RPL39L: variants seen among roughly 807,000 people sequenced by gnomAD.
RPL39L encodes ribosomal protein eL39-like 2.
For missense variants in RPL39L, 48 were observed against 58.9 expected, an observed-to-expected ratio of 0.81 and a Z score of 0.61; for synonymous variants, 16 against 20.1, an observed-to-expected ratio of 0.80 and a Z score of 0.55.
intron 1 of RPL39L, among the ~76,000 whole-genome samples, chr3:187,135,552 G>A (rs1482783825): frequency 6.6e-6 from 1 of 152,152 alleles, no homozygotes; most frequent in Non-Finnish European, 1.5e-5. Context: ...CCAGCCATGT[G>A]GTACCGTAAG....
chr3:187,123,319 C>A (rs2108467029), intron 2 of RPL39L, among the ~76,000 whole-genome samples: 1 of 152,278 alleles, frequency 6.6e-6, no homozygotes, highest in East Asian at 1.9e-4. Flanking sequence ...CCGCAAGTAT[C>A]CTTGTAGGAG....
chr3:187,133,852 A>C (rs1293755908), intron 1 of RPL39L, among the ~76,000 whole-genome samples: 1 of 152,162 alleles, frequency 6.6e-6, no homozygotes, highest in Non-Finnish European at 1.5e-5. Flanking sequence ...ATAAAACCCA[A>C]ACCCAGCTTA....
chr3:187,128,401 A>C (rs184078824), intron 1 of RPL39L, among the ~76,000 whole-genome samples: 151 of 152,296 alleles, frequency 9.9e-4, no homozygotes, highest in Non-Finnish European at 1.5e-3. Context: ...ACTTCAAAAA[A>C]CAGTAATATT....
chr3:187,126,974 G>A (rs1720408275), intron 2 of RPL39L, among the ~76,000 whole-genome samples: 1 of 152,184 alleles, frequency 6.6e-6, no homozygotes, highest in South Asian at 2.1e-4. Flanking sequence ...TTGAACAGGT[G>A]GGCCCAAACT....
At chr3:187,124,435 G>A (rs1720364676) in intron 2 of RPL39L, among the ~76,000 whole-genome samples, 1 of 152,124 alleles carries the variant, frequency 6.6e-6, no homozygotes. Context: ...TGGAGATGGA[G>A]GCTCATGAGA....
rs1579408654 is a variant in RPL39L at position 187,121,253 on chromosome 3, T to C, written c.48A>G (p.Lys16=). ...TFTIKRFLAK[K]QKQNRPIPQW... ...GGGGGATGGGACGATTTTGCTTTTGTTTCTTGGCCAGGAATCGCTTAATGG... is the reference window on the plus strand; with the variant it reads ...GGGGGATGGGACGATTTTGCTTTTGCTTCTTGGCCAGGAATCGCTTAATGG... The change falls in exon 3 of 3, where the codon AAA becomes AAG. Residue 16 remains lysine, a synonymous_variant. Coordinates refer to ENST00000296277, the MANE Select transcript of RPL39L (RefSeq NM_052969.3). 1.2e-6 allele frequency: 2 copies of C among 1,613,988 alleles called. No homozygotes were observed. Among genetic ancestry groups the C allele is most frequent in the South Asian group, 1.1e-5 (1 of 91,066 alleles).
At chr3:187,126,435 A>G (rs185590279) in intron 2 of RPL39L, among the ~76,000 whole-genome samples, 2 of 152,270 alleles carry the variant, frequency 1.3e-5, no homozygotes, top group Non-Finnish European at 2.9e-5. Flanking sequence ...AAGTGCTGGG[A>G]TTACAGGCTT....
intron 1 of RPL39L, among the ~76,000 whole-genome samples, chr3:187,135,896 C>T (rs1434666797): frequency 6.6e-6 from 1 of 152,206 alleles, no homozygotes; most frequent in East Asian, 1.9e-4. Context: ...AGGCATGCCG[C>T]ATGGCGAGAG....
chr3:187,131,057 G>C (rs943610403), intron 1 of RPL39L, among the ~76,000 whole-genome samples: 3 of 152,194 alleles, frequency 2.0e-5, no homozygotes, highest in African/African-American at 7.2e-5. Context: ...GTTGGCACAT[G>C]ACCTAAAATC....
At chr3:187,121,405 A>G (rs1328120309) in intron 2 of RPL39L, 77 bp from the exon 3 acceptor site, 13 of 1,395,990 alleles carry the variant, frequency 9.3e-6, no homozygotes. Flanking sequence ...AGAAATAACA[A>G]GACAAGAAAG....
At chr3:187,134,130 T>TTTAA (rs1720532102) in intron 1 of RPL39L, among the ~76,000 whole-genome samples, 1 of 152,060 alleles carries the variant, frequency 6.6e-6, no homozygotes, top group African/African-American at 2.4e-5. Flanking sequence ...TCATATATAT[T>TTTAA]GAAGGTTCTA....
At chr3:187,126,223 G>A (rs538254806) in intron 2 of RPL39L, among the ~76,000 whole-genome samples, 44 of 150,372 alleles carry the variant, frequency 2.9e-4, no homozygotes, top group African/African-American at 8.6e-4. Flanking sequence ...GTGCAATGGC[G>A]CCATCTCAGC....
chr3:187,131,390 A>T (rs1002010228), intron 1 of RPL39L, among the ~76,000 whole-genome samples: 2 of 152,192 alleles, frequency 1.3e-5, no homozygotes, highest in African/African-American at 2.4e-5. Flanking sequence ...TACAAAAATT[A>T]GCCAGGCATG....
rs148289469 is a variant in RPL39L, at chr3:187,128,416, A to T, written c.-92-354T>A. On this transcript the variant is annotated intron_variant, in intron 1 of 2. Coordinates refer to ENST00000296277, the MANE Select transcript of RPL39L (RefSeq NM_052969.3). Reference sequence around the variant, plus strand: ...ACTTCAAAAAACAGTAATATTTGCCATTTTTTTGATTCATGGTATCAACAT... The same window carrying T: ...ACTTCAAAAAACAGTAATATTTGCCTTTTTTTTGATTCATGGTATCAACAT... 5.3e-3 allele frequency among the ~76,000 whole-genome samples: 814 copies of T among 152,242 alleles called. 5 individuals are homozygous for T. Among genetic ancestry groups the T allele is most frequent in the African/African-American group, 0.019 (771 of 41,540 alleles).
At chr3:187,132,220 T>A (rs1376137711) in intron 1 of RPL39L, among the ~76,000 whole-genome samples, 1 of 152,244 alleles carries the variant, frequency 6.6e-6, no homozygotes, top group African/African-American at 2.4e-5. Flanking sequence ...AGATTATACA[T>A]GCATGTGTCA....
chr3:187,123,405 T>C (rs1314155996), intron 2 of RPL39L, among the ~76,000 whole-genome samples: 1 of 152,232 alleles, frequency 6.6e-6, no homozygotes, highest in Non-Finnish European at 1.5e-5. Context: ...TACACTACTA[T>C]TTCTGCCCAA....
intron 1 of RPL39L, among the ~76,000 whole-genome samples, chr3:187,137,627 A>G (rs1353754426): frequency 1.3e-5 from 2 of 152,044 alleles, no homozygotes; most frequent in Admixed American, 1.3e-4. Context: ...AGCCTGGCCA[A>G]CCATGGCCAA....
At chr3:187,135,453 T>C (rs888680481) in intron 1 of RPL39L, among the ~76,000 whole-genome samples, 5 of 152,128 alleles carry the variant, frequency 3.3e-5, no homozygotes, top group African/African-American at 1.2e-4. Context: ...AATGGAAGTC[T>C]CCCTGCACAA....
chr3:187,121,429 C>G, intron 2 of RPL39L, 101 bp from the exon 3 acceptor site: 1 of 1,204,466 alleles, frequency 8.3e-7, no homozygotes, highest in East Asian at 2.5e-5. Context: ...ATCTTTAGTG[C>G]CACAGCGAGG....
Sources: gnomAD v4.1 joint callset for allele counts (sites outside exome capture counted in the v4.1 genomes callset) on GRCh38, gnomAD v4.1.1 for gene constraint, MANE v1.5 for transcripts, NCBI Gene and HGNC (gene_info 2026-07-23, HGNC 2026-07-21) for gene names.